The following PKP3 variants were observed in gnomAD, a reference collection of about 807,000 sequenced individuals.
The protein encoded by PKP3 is plakophilin-3.
PKP3 carries 66 observed loss-of-function variants against 76.5 expected under a neutral mutation model. The ratio of observed to expected loss-of-function variants is 0.86; its 90% CI spans 0.71 to 1.06. The LOEUF (loss-of-function observed/expected upper bound fraction) is 1.06, where lower values mean the gene tolerates loss of function less well. Among genes scored for constraint, PKP3 ranks in the 50% least tolerant of loss-of-function variants. PKP3 has a pLI of 0.00. For synonymous variants in PKP3, 638 were observed against 516.5 expected (o/e 1.24, Z -3.19); for missense variants, 1,338 against 1,141.0 (o/e 1.17, Z -2.49).
At position 400,722 on chromosome 11, in the gene PKP3, G is replaced by A; in HGVS notation, c.1737+17G>A. 3.3e-6 allele frequency: 4 copies of A among 1,225,694 alleles called. No individual in the cohort carries two copies. The highest frequency in any genetic ancestry group is 4.1e-6 in the Non-Finnish European group (4 of 977,660). 75.9% of individuals were successfully genotyped at this position (1,225,694 alleles called of 1,614,324 possible). ...CTGCGCGAGGTGGGCACCAGCCTGAGCGGGGCGTGGGGTGGGTGCTGCGAC... is the reference window on the plus strand; with the variant it reads ...CTGCGCGAGGTGGGCACCAGCCTGAACGGGGCGTGGGGTGGGTGCTGCGAC... On this transcript the variant is annotated intron_variant, in intron 8 of 12. Transcript: ENST00000331563.
At chr11:403,324 A>C (rs1847189617) in intron 9 of PKP3, 61 bp downstream of exon 9, 6 of 1,069,506 alleles carry the variant, frequency 5.6e-6, no homozygotes, top group South Asian at 1.4e-5. Context: ...AGGGGGGGAC[A>C]GAGGAGGGAG....
intron 5 of PKP3, 31 bp from the exon 6 acceptor site, chr11:399,936 G>C: frequency 3.2e-6 from 5 of 1,559,854 alleles, no homozygotes; most frequent in Non-Finnish European, 4.3e-6. Flanking sequence ...TTGGAGGGCA[G>C]ACGCTGATAG....
chr11:403,178 G>C lies in PKP3; in HGVS notation c.1838G>C (p.Arg613Pro). ...CCCCAGATCGTGGGGCTGTACAACC[G>C]GCTGCTGCAGCGCTGCGAGCTCAAC... The part of the protein sequence containing the change: ...WSPQIVGLYN[R>P]LLQRCELNRH... Residue 613 changes from arginine to proline, a missense_variant, in exon 9 of 13, where the codon CGG becomes CCG. By Grantham distance (103) the Arg-to-Pro change is moderately radical. Transcript: ENST00000331563. The C allele has an allele frequency of 1.3e-6, 2 of 1,588,310 alleles. No individual in the cohort carries two copies. The highest frequency in any genetic ancestry group is 1.7e-6 in the Non-Finnish European group (2 of 1,169,284).
At position 403,791 on chromosome 11, in the gene PKP3, G is replaced by GT; in HGVS notation, c.2077+21dup. ...AGATGTGTGAGTCGGGCAGCCCCTCGTCCCTGCCCTGCTGGACCCACATGT... is the reference window on the plus strand; with the variant it reads ...AGATGTGTGAGTCGGGCAGCCCCTCGTTCCCTGCCCTGCTGGACCCACATGT... On this transcript the variant is annotated intron_variant, in intron 10 of 12. Transcript: ENST00000331563. 3 of 1,603,580 alleles carry GT rather than the reference G, an allele frequency of 1.9e-6. No individual in the cohort carries two copies.
chr11:400,704 A>C lies in PKP3; in HGVS notation c.1736A>C (p.Glu579Ala). The C allele has an allele frequency of 7.9e-7, 1 of 1,259,782 alleles. No individual in the cohort carries two copies. Among genetic ancestry groups the C allele is most frequent in the African/African-American group, 1.6e-5 (1 of 63,166 alleles). The allele number at this position is 1,259,782 out of a possible 1,614,324, so 78.0% of individuals were successfully genotyped here. A position where few individuals can be genotyped will look rare whatever the true frequency, so the allele number is the denominator to read the frequency against. The change falls in exon 8 of 13, where the codon GAG (glutamate) becomes GCG (alanine). Residue 579 changes from glutamate to alanine, a missense_variant and splice_region_variant. Glu to Ala is a moderately radical substitution (Grantham distance 107). Coordinates refer to ENST00000331563, the MANE Select transcript of PKP3 (RefSeq NM_007183.4). The part of the protein sequence containing the change: ...CFTPQSRRLR[E>A]LPLAADALTF... ...ACGCCGCAGAGCCGGCGGCTGCGCG[A>C]GGTGGGCACCAGCCTGAGCGGGGCG...
At position 397,389 on chromosome 11, in the gene PKP3, C is replaced by T. The variant is rs536906657; in HGVS notation, c.888C>T (p.Asp296=). 18 of 1,610,990 alleles carry T rather than the reference C, an allele frequency of 1.1e-5. No homozygotes were observed. The highest frequency in any genetic ancestry group is 1.1e-4 in the East Asian group (5 of 44,842). Residue 296 remains aspartate, a synonymous_variant, in exon 3 of 13, where the codon GAC becomes GAT. Coordinates refer to ENST00000331563, the MANE Select transcript of PKP3 (RefSeq NM_007183.4). The part of the protein sequence containing the change: ...LSLADSGHLP[D]VHGFNSYGSH... ...TGGCTGACTCGGGCCACCTGCCGGA[C>T]GTGCATGGGTTCAACAGCTACGGTA...
chr11:403,387 G>C, intron 9 of PKP3, 124 bp downstream of exon 9: 1 of 918,820 alleles, frequency 1.1e-6, no homozygotes, highest in South Asian at 1.7e-5. Context: ...TCGGAGGTCA[G>C]CGTCCCGGTG....
chr11:392,765 G>C, upstream of PKP3: 1 of 960,348 alleles, frequency 1.0e-6, no homozygotes, highest in Non-Finnish European at 1.4e-6. Context: ...CCCAGCCCGG[G>C]CCTCACCCAT....
In PKP3 at chr11:400,280, G is replaced by T. The variant is rs529389872; in HGVS notation, c.1449-54G>T. On this transcript the variant is annotated intron_variant, in intron 6 of 12. Transcript: ENST00000331563. The stretch of plus-strand genomic sequence containing the variant: ...GTGCGAGGGCCCACGATGGGTTGGG[G>T]CAAGGCCCGGGATGCGGGGTCCCTG... 326 of 1,475,800 alleles carry T rather than the reference G, an allele frequency of 2.2e-4. No individual in the cohort carries two copies. In the African/African-American group the frequency reaches 4.2e-3, roughly 19 times the overall value. The allele number at this position is 1,475,800 out of a possible 1,614,324, so 91.4% of individuals were successfully genotyped here. A position where few individuals can be genotyped will look rare whatever the true frequency, so the allele number is the denominator to read the frequency against.
intron 1 of PKP3, 36 bp from the exon 2 acceptor site, chr11:396,572 G>T: frequency 6.8e-7 from 1 of 1,460,490 alleles, no homozygotes; most frequent in Non-Finnish European, 9.5e-7. Flanking sequence ...GCTTTGCTGT[G>T]TGGCAGAGCT....
intron 10 of PKP3, 43 bp from the exon 11 acceptor site, chr11:403,900 T>G (rs1255389187): frequency 6.4e-7 from 1 of 1,567,130 alleles, no homozygotes; most frequent in African/African-American, 1.4e-5. Context: ...GGTGCCCAGG[T>G]GGCCAGGAGT....
At chr11:400,242 G>A in intron 6 of PKP3, 92 bp from the exon 7 acceptor site, 1 of 1,408,530 alleles carries the variant, frequency 7.1e-7, no homozygotes, top group Non-Finnish European at 9.6e-7. Context: ...CACGCCTCGC[G>A]CTGGGGATGG....
chr11:394,511 C>T lies in PKP3; in HGVS notation c.219C>T (p.Ala73=), dbSNP rs921648793. ...HNGAAEPEPE[A]ETARGTSRGQ... ...GGGCCGCTGAGCCCGAGCCTGAGGC[C>T]GAGACTGCCAGAGGTAGGCGGTGGG... is the stretch of plus-strand genomic sequence containing the variant. Residue 73 remains alanine (A), a synonymous_variant, in exon 1 of 13, where the codon GCC becomes GCT. Transcript: ENST00000331563. 2.5e-5 allele frequency: 35 copies of T among 1,384,064 alleles called. No homozygotes were observed. In the East Asian group the frequency reaches 9.0e-4, roughly 36 times the overall value. 85.7% of individuals were successfully genotyped at this position (1,384,064 alleles called of 1,614,324 possible).
At chr11:394,068 C>T (rs891972175), upstream of PKP3, 1 of 589,794 alleles carries the variant, frequency 1.7e-6, no homozygotes, top group Admixed American at 4.2e-5. Flanking sequence ...AGGGCCTGTT[C>T]TTCCGCCCAA....
intron 8 of PKP3, 31 bp from the exon 9 acceptor site, chr11:403,035 CCCGCTCACCCCG>C: frequency 2.0e-5 from 18 of 906,206 alleles, no homozygotes; most frequent in East Asian, 9.5e-5. Context: ...CTCACCCCGA[CCCGCTCACCCCG>C]ACCCCGCCGA....
rs750482336 is a variant in PKP3, at chr11:404,493, G to T, written c.2359-41G>T. ...GGGACAGCGGGCAGAGGGCCACATG[G>T]GCAGACATGCACCCTGACCTTGGGC... is the stretch of plus-strand genomic sequence containing the variant. On this transcript the variant is annotated intron_variant, in intron 12 of 12. Coordinates refer to ENST00000331563, the MANE Select transcript of PKP3 (RefSeq NM_007183.4). The surrounding 1 kb of genome is among the most constrained non-coding windows in gnomAD (Gnocchi z 4.2). The T allele has an allele frequency of 6.2e-7, 1 of 1,607,712 alleles. No homozygotes were observed. Among genetic ancestry groups the T allele is most frequent in the Non-Finnish European group, 8.5e-7 (1 of 1,175,418 alleles).
At position 404,431 on chromosome 11, in the gene PKP3, G is replaced by A. The variant is rs561682323; in HGVS notation, c.2359-103G>A. On this transcript the variant is annotated intron_variant, in intron 12 of 12. Coordinates refer to ENST00000331563, the MANE Select transcript of PKP3 (RefSeq NM_007183.4). This position sits in a 1 kb window ranked among gnomAD's most constrained non-coding sequence, Gnocchi z 4.2. Reference sequence around the variant, plus strand: ...GGAGGATGGAGACCAGGGACCCAGAGAGGAAGGGTCCGGGCCACACCCAGC... The same window carrying A: ...GGAGGATGGAGACCAGGGACCCAGAAAGGAAGGGTCCGGGCCACACCCAGC... The A allele has an allele frequency of 6.8e-7, 1 of 1,474,082 alleles. No individual in the cohort carries two copies. Among genetic ancestry groups the A allele is most frequent in the South Asian group, 1.1e-5 (1 of 88,380 alleles). The allele number at this position is 1,474,082 out of a possible 1,614,324, so 91.3% of individuals were successfully genotyped here. A position where few individuals can be genotyped will look rare whatever the true frequency, so the allele number is the denominator to read the frequency against.
chr11:400,579 C>T lies in PKP3; in HGVS notation c.1611C>T (p.Arg537=). 1 of 1,479,426 alleles carries T rather than the reference C, an allele frequency of 6.8e-7. No individual in the cohort carries two copies. Among genetic ancestry groups the T allele is most frequent in the South Asian group, 1.3e-5 (1 of 77,136 alleles). 91.6% of individuals were successfully genotyped at this position (1,479,426 alleles called of 1,614,324 possible). A position where few individuals can be genotyped will look rare whatever the true frequency, so the allele number is the denominator to read the frequency against. The change falls in exon 8 of 13, where the codon CGC becomes CGT. Residue 537 remains arginine, a synonymous_variant. Transcript: ENST00000331563. Reference sequence around the variant, plus strand: ...GCGTCCTGCGGAACCTGTCCTACCGCCTCTACGACGAGATGCCGCCGTCCG... The same window carrying T: ...GCGTCCTGCGGAACCTGTCCTACCGTCTCTACGACGAGATGCCGCCGTCCG... ...AVCVLRNLSY[R]LYDEMPPSAL...
Position 396,945 on chromosome 11 carries a change from CG to C in PKP3, c.449del (p.Gly150ValfsTer114). The C allele has an allele frequency of 6.3e-7, 1 of 1,596,254 alleles. No individual in the cohort carries two copies. ...GGSAFGAAGY[G>X]GAQPTPPMPT... ...GCAGCGCCTTTGGGGCCGCTGGGTA[CG>C]GGGGTGCCCAGCCCACCCCTCCCAT... On this transcript the variant is annotated frameshift_variant, in exon 3 of 13. Transcript: ENST00000331563. LOFTEE classifies it high-confidence loss of function.
Sources: allele counts gnomAD v4.1 joint callset, GRCh38; gene constraint gnomAD v4.1.1; non-coding constraint Gnocchi (gnomAD v3.1); transcripts MANE v1.5; gene names NCBI Gene and HGNC (gene_info 2026-07-23, HGNC 2026-07-21).